The following USP34 variants were observed in gnomAD, a reference collection of about 807,000 sequenced individuals.
The protein encoded by USP34 is ubiquitin carboxyl-terminal hydrolase 34.
In USP34, 70 loss-of-function variants were observed where a neutral mutation model predicts 460.3. The observed-to-expected ratio is 0.15, with a 90% confidence interval of 0.13 to 0.19. USP34 has a LOEUF of 0.19. Ranked by LOEUF, USP34 falls within the 10% of genes least tolerant of loss-of-function variation. The pLI is 1.00. For missense variants in USP34, 3,985 were observed against 4,236.2 expected, an observed-to-expected ratio of 0.94 and a Z score of 1.65; for synonymous variants, 1,647 against 1,405.3, an observed-to-expected ratio of 1.17 and a Z score of -3.85.
intron 1 of USP34, among the ~76,000 whole-genome samples, chr2:61,430,374 G>A (rs991420755): frequency 2.6e-5 from 4 of 152,202 alleles, no homozygotes; most frequent in Middle Eastern, 6.8e-3. Context: ...ATTGCACTCC[G>A]GCCTGGGTGG....
chr2:61,356,950 A>C (rs1692126471), intron 10 of USP34, among the ~76,000 whole-genome samples: 1 of 152,244 alleles, frequency 6.6e-6, no homozygotes, highest in South Asian at 2.1e-4. Context: ...AGAAGATATG[A>C]CCATAAACAT....
intron 62 of USP34, among the ~76,000 whole-genome samples, chr2:61,224,723 A>C (rs554257848): frequency 2.8e-4 from 43 of 152,346 alleles, no homozygotes; most frequent in African/African-American, 9.4e-4. Flanking sequence ...TAAACTAAAA[A>C]AAAATTTCTT....
chr2:61,229,471 A>ACC, intron 59 of USP34, 77 bp downstream of exon 59: 1 of 693,384 alleles, frequency 1.4e-6, no homozygotes, highest in Admixed American at 4.5e-5. Flanking sequence ...AAAAAAAAAA[A>ACC]AAAACAAAAA....
At chr2:61,201,482 G>A (rs929644461) in intron 75 of USP34, among the ~76,000 whole-genome samples, 1 of 151,974 alleles carries the variant, frequency 6.6e-6, no homozygotes, top group Admixed American at 6.6e-5. Flanking sequence ...CAAAGTGCTG[G>A]GATTACAAGC....
intron 70 of USP34, 155 bp from the exon 71 acceptor site, chr2:61,207,041 T>TA (rs1169246279): frequency 1.4e-6 from 1 of 702,502 alleles, no homozygotes. Flanking sequence ...ATCCTGAAGT[T>TA]AAACTCTCAT....
chr2:61,406,665 C>T (rs1376810493), intron 2 of USP34, among the ~76,000 whole-genome samples: 1 of 150,458 alleles, frequency 6.6e-6, no homozygotes, highest in Non-Finnish European at 1.5e-5. Context: ...TCTCTCTCTC[C>T]CCCCCAAGCT....
At chr2:61,454,961 A>C (rs1389786738) in intron 1 of USP34, among the ~76,000 whole-genome samples, 1 of 146,982 alleles carries the variant, frequency 6.8e-6, no homozygotes, top group African/African-American at 2.5e-5. Context: ...GGCTCACTGC[A>C]ACCTCCACCT....
In USP34 at chr2:61,214,675, C is replaced by A; in HGVS notation, c.8067G>T (p.Val2689=). The stretch of plus-strand genomic sequence containing the variant: ...GGAATGAATTGCTTGGTATAAGGGA[C>A]ACCAGAAGATAAGCTGCAGCTATAA... The part of the protein sequence containing the change: ...RVRTSAAYLL[V]SLIPSNSFRQ... The change falls in exon 68 of 80, where the codon GTG becomes GTT. Residue 2689 remains valine (V), a synonymous_variant. Coordinates refer to ENST00000398571, the MANE Select transcript of USP34 (RefSeq NM_014709.4). 1 of 1,613,660 alleles carries A rather than the reference C, an allele frequency of 6.2e-7. No individual in the cohort carries two copies.
intron 1 of USP34, among the ~76,000 whole-genome samples, chr2:61,453,820 T>C (rs1223768974): frequency 6.6e-6 from 1 of 151,728 alleles, no homozygotes; most frequent in Non-Finnish European, 1.5e-5. Flanking sequence ...AATATTTTCA[T>C]ATTTTTTTAA....
At chr2:61,239,103 T>C (rs2103852268) in intron 53 of USP34, among the ~76,000 whole-genome samples, 1 of 152,188 alleles carries the variant, frequency 6.6e-6, no homozygotes. Context: ...GTTGTGTGTG[T>C]TCTGACTGCA....
intron 1 of USP34, among the ~76,000 whole-genome samples, chr2:61,433,445 C>A (rs1027252833): frequency 6.6e-6 from 1 of 152,012 alleles, no homozygotes; most frequent in African/African-American, 2.4e-5. Context: ...ACCACCCTGG[C>A]CAAGAAGGTG....
intron 2 of USP34, among the ~76,000 whole-genome samples, chr2:61,408,975 T>A (rs1409542573): frequency 1.3e-5 from 2 of 152,110 alleles, no homozygotes; most frequent in African/African-American, 2.4e-5. Context: ...ATCCCACCAC[T>A]TTGGGAGGCC....
Position 61,470,796 on chromosome 2 carries a change from CG to C in USP34, c.-105del. On this transcript the variant is annotated 5_prime_UTR_variant, in exon 1 of 80. Coordinates refer to ENST00000398571, the MANE Select transcript of USP34 (RefSeq NM_014709.4). ...GCGGAGGAGGGGGCCGGCCGGCCGGCGGGGCGGGGAGGCGACTAGGGCGGGC... is the reference window on the plus strand; with the variant it reads ...GCGGAGGAGGGGGCCGGCCGGCCGGCGGGCGGGGAGGCGACTAGGGCGGGC... 1.7e-6 allele frequency: 1 copy of C among 590,178 alleles called. No individual in the cohort carries two copies. The highest frequency in any genetic ancestry group is 2.4e-6 in the Non-Finnish European group (1 of 415,752). 36.6% of individuals were successfully genotyped at this position (590,178 alleles called of 1,614,324 possible). A position where few individuals can be genotyped will look rare whatever the true frequency, so the allele number is the denominator to read the frequency against.
intron 1 of USP34, among the ~76,000 whole-genome samples, chr2:61,451,131 G>C (rs1415018647): frequency 1.5e-5 from 2 of 134,256 alleles, no homozygotes; most frequent in African/African-American, 2.8e-5. Flanking sequence ...TGAGACAGGA[G>C]AATCACTTGA....
chr2:61,376,217 T>C (rs1692795804), intron 8 of USP34, among the ~76,000 whole-genome samples: 3 of 152,228 alleles, frequency 2.0e-5, no homozygotes, highest in Non-Finnish European at 4.4e-5. Flanking sequence ...ATTTATATGT[T>C]AATAAAACTG....
At chr2:61,397,342 C>G (rs182465067) in intron 3 of USP34, among the ~76,000 whole-genome samples, 200 of 151,568 alleles carry the variant, frequency 1.3e-3, no homozygotes, top group Non-Finnish European at 2.2e-3. Flanking sequence ...ACTTGGGAGG[C>G]TGATGCAGGA....
intron 49 of USP34, among the ~76,000 whole-genome samples, chr2:61,246,873 C>T (rs1688430379): frequency 6.6e-6 from 1 of 151,914 alleles, no homozygotes; most frequent in South Asian, 2.1e-4. Flanking sequence ...ATATAAAATG[C>T]TCCATTCTAT....
intron 15 of USP34, among the ~76,000 whole-genome samples, chr2:61,345,900 C>T (rs1691752998): frequency 6.6e-6 from 1 of 152,098 alleles, no homozygotes; most frequent in African/African-American, 2.4e-5. Context: ...GCCTCCAAAG[C>T]ACTAGGATTA....
chr2:61,421,721 C>CTA (rs1694362706), intron 1 of USP34, among the ~76,000 whole-genome samples: 1 of 152,134 alleles, frequency 6.6e-6, no homozygotes, highest in Admixed American at 6.5e-5. Context: ...ATATGTCCTA[C>CTA]TATACCAGTA....
Sources: gnomAD v4.1 joint callset for allele counts (sites outside exome capture counted in the v4.1 genomes callset) on GRCh38, gnomAD v4.1.1 for gene constraint, MANE v1.5 for transcripts, NCBI Gene and HGNC (gene_info 2026-07-23, HGNC 2026-07-21) for gene names.